SLC39A9: variants seen among roughly 807,000 people sequenced by gnomAD.
SLC39A9 encodes zinc transporter ZIP9.
SLC39A9 carries 14 observed loss-of-function variants against 28.4 expected under a neutral mutation model. The observed-to-expected ratio is 0.49, with a 90% CI of 0.33 to 0.77. SLC39A9 has a LOEUF of 0.77. Ranked by LOEUF, SLC39A9 falls within the 30% of genes least tolerant of loss-of-function variation. SLC39A9 has a pLI of 0.02. For synonymous variants in SLC39A9, 119 were observed against 149.6 expected (o/e 0.80, Z 1.49); for missense variants, 283 against 381.1 (o/e 0.74, Z 2.14).
intron 2 of SLC39A9, among the ~76,000 whole-genome samples, chr14:69,430,650 A>G (rs1378147421): frequency 7.2e-6 from 1 of 139,060 alleles, no homozygotes; most frequent in African/African-American, 2.7e-5. Flanking sequence ...TTTTCTTGAG[A>G]CAAGGTCTCA....
At chr14:69,443,499 A>G (rs1242529488) in intron 3 of SLC39A9, among the ~76,000 whole-genome samples, 1 of 152,208 alleles carries the variant, frequency 6.6e-6, no homozygotes, top group Non-Finnish European at 1.5e-5. Context: ...CTGTAAAATA[A>G]CCTGATTAGT....
Position 69,461,715 on chromosome 14 carries a change from A to G in SLC39A9, c.*3122A>G, listed in dbSNP as rs1886120116. 2 of 1,535,964 alleles carry G rather than the reference A, an allele frequency of 1.3e-6. No individual in the cohort carries two copies. Among genetic ancestry groups the G allele is most frequent in the Non-Finnish European group, 8.7e-7 (1 of 1,146,854 alleles). Reference sequence around the variant, plus strand: ...TTTCAAGGATTAGAACTAAGAGGACACACCAGCATCGGAGTGTATTAAGCC... The same window carrying G: ...TTTCAAGGATTAGAACTAAGAGGACGCACCAGCATCGGAGTGTATTAAGCC... On this transcript the variant is annotated 3_prime_UTR_variant, in exon 7 of 7. Coordinates refer to ENST00000336643, the MANE Select transcript of SLC39A9 (RefSeq NM_018375.5).
intron 1 of SLC39A9, among the ~76,000 whole-genome samples, chr14:69,400,602 AGAAAG>A (rs1566904119): frequency 1.3e-5 from 2 of 152,230 alleles, no homozygotes; most frequent in Admixed American, 6.5e-5. Context: ...GGCCTGAAGT[AGAAAG>A]GAAAGGTATA....
At chr14:69,431,769 G>GTACC (rs745695701) in intron 2 of SLC39A9, among the ~76,000 whole-genome samples, 2 of 151,974 alleles carry the variant, frequency 1.3e-5, no homozygotes, top group East Asian at 3.9e-4. Context: ...ATGTCTATGA[G>GTACC]TACCTGATGT....
chr14:69,440,983 A>G (rs1885023111), intron 2 of SLC39A9, among the ~76,000 whole-genome samples: 1 of 152,130 alleles, frequency 6.6e-6, no homozygotes. Flanking sequence ...TGTTTTTAAG[A>G]GACAGGATCT....
rs1230609222 is a variant in SLC39A9 at position 69,440,725 on chromosome 14, A to G, written c.206-1344A>G. Among the ~76,000 whole-genome samples, 4 of 152,124 alleles carry G rather than the reference A, an allele frequency of 2.6e-5. No homozygotes were observed. In the East Asian group the frequency reaches 7.7e-4, roughly 29 times the overall value. On this transcript the variant is annotated intron_variant, in intron 2 of 6. Transcript: ENST00000336643. ...AGTCTCCCTCTGTTGCCAGGCTGGA[A>G]GGCAGTGGCGTGATCTCGGCTCACT...
chr14:69,456,511 A>G (rs1566927036), intron 6 of SLC39A9, among the ~76,000 whole-genome samples: 1 of 152,190 alleles, frequency 6.6e-6, no homozygotes, highest in Non-Finnish European at 1.5e-5. Flanking sequence ...GTCCCCAGAT[A>G]GTAACTGTAC....
chr14:69,462,239 T>A lies in SLC39A9; in HGVS notation c.*3646T>A, dbSNP rs1348298294. ...TCCCCTGGTTCAATAGCTGGAACAG[T>A]GATTTTAAATGTCCCTTTTTCTGGA... On this transcript the variant is annotated 3_prime_UTR_variant, in exon 7 of 7. Transcript: ENST00000336643. The A allele has an allele frequency of 6.6e-6, 1 of 152,338 alleles. No individual in the cohort carries two copies. Among genetic ancestry groups the A allele is most frequent in the Non-Finnish European group, 1.5e-5 (1 of 68,156 alleles). 9.4% of individuals were successfully genotyped at this position (152,338 alleles called of 1,614,324 possible). A position where few individuals can be genotyped will look rare whatever the true frequency, so the allele number is the denominator to read the frequency against.
At chr14:69,455,014 C>T in intron 5 of SLC39A9, 117 bp downstream of exon 5, 1 of 725,748 alleles carries the variant, frequency 1.4e-6, no homozygotes, top group Non-Finnish European at 2.3e-6. Flanking sequence ...AATTGCTATT[C>T]ATTTTGGAAA....
intron 3 of SLC39A9, among the ~76,000 whole-genome samples, chr14:69,451,413 A>T (rs1446292925): frequency 6.6e-6 from 1 of 152,224 alleles, no homozygotes; most frequent in Non-Finnish European, 1.5e-5. Flanking sequence ...TGTTTCCTAC[A>T]AGAGCAGTAA....
intron 1 of SLC39A9, among the ~76,000 whole-genome samples, chr14:69,401,958 G>A (rs1466933588): frequency 3.3e-5 from 5 of 152,140 alleles, no homozygotes; most frequent in African/African-American, 1.2e-4. Context: ...TAGTGAGATG[G>A]TAAATTTGTA....
At position 69,460,106 on chromosome 14, in the gene SLC39A9, T is replaced by G; in HGVS notation, c.*1513T>G. On this transcript the variant is annotated 3_prime_UTR_variant, in exon 7 of 7. Transcript: ENST00000336643. ...TGTCAAATAAGTGTATAATATTGTA[T>G]TATTAATTTATTTTTACTTTCTATA... 3 of 979,192 alleles carry G rather than the reference T, an allele frequency of 3.1e-6. No homozygotes were observed. The highest frequency in any genetic ancestry group is 2.4e-6 in the Non-Finnish European group (2 of 823,890). 60.7% of individuals were successfully genotyped at this position (979,192 alleles called of 1,614,324 possible).
Position 69,441,891 on chromosome 14 carries a change from A to G in SLC39A9, c.206-178A>G, listed in dbSNP as rs71423360. 6 of 1,387,094 alleles carry G rather than the reference A, an allele frequency of 4.3e-6. No individual in the cohort carries two copies. The African/African-American group carries it at 7.3e-5, about 17-fold the overall frequency. The allele number at this position is 1,387,094 out of a possible 1,614,324, so 85.9% of individuals were successfully genotyped here. ...TGCCAAAGGCAGAAGACATTTGGGA[A>G]TTTTTTCATCATGAACTTTAAGTTG... On this transcript the variant is annotated intron_variant, in intron 2 of 6. Coordinates refer to ENST00000336643, the MANE Select transcript of SLC39A9 (RefSeq NM_018375.5).
intron 3 of SLC39A9, among the ~76,000 whole-genome samples, chr14:69,446,033 T>C (rs1485403349): frequency 1.3e-5 from 2 of 151,938 alleles, no homozygotes; most frequent in Non-Finnish European, 2.9e-5. Context: ...TTGTTGTTGT[T>C]GTTGTTGTTG....
In SLC39A9 at chr14:69,433,825, G is replaced by A. The variant is rs570615607; in HGVS notation, c.206-8244G>A. Among the ~76,000 whole-genome samples, 7 of 151,628 alleles carry A rather than the reference G, an allele frequency of 4.6e-5. No homozygotes were observed. The East Asian group carries it at 5.8e-4, about 13-fold the overall frequency. ...CTTTGAGGCAGGGTCTCACTTTGTC[G>A]CCCAGGCTGGGTACAGTGGCACAGT... On this transcript the variant is annotated intron_variant, in intron 2 of 6. Coordinates refer to ENST00000336643, the MANE Select transcript of SLC39A9 (RefSeq NM_018375.5).
At chr14:69,424,788 A>G (rs1884099358) in intron 2 of SLC39A9, among the ~76,000 whole-genome samples, 1 of 152,166 alleles carries the variant, frequency 6.6e-6, no homozygotes, top group Admixed American at 6.5e-5. Flanking sequence ...GTGACTTAGC[A>G]AAATCCGATT....
chr14:69,417,460 T>C (rs191903495), intron 1 of SLC39A9, among the ~76,000 whole-genome samples: 2 of 152,328 alleles, frequency 1.3e-5, no homozygotes, highest in Admixed American at 1.3e-4. Flanking sequence ...ATGCGACCTG[T>C]TTTTTGGTTC....
At chr14:69,440,710 T>C (rs1311149711) in intron 2 of SLC39A9, among the ~76,000 whole-genome samples, 1 of 152,188 alleles carries the variant, frequency 6.6e-6, no homozygotes, top group African/African-American at 2.4e-5. Flanking sequence ...AGTCTCCCTC[T>C]GTTGCCAGGC....
chr14:69,417,381 T>C (rs946930991), intron 1 of SLC39A9, among the ~76,000 whole-genome samples: 1 of 152,250 alleles, frequency 6.6e-6, no homozygotes, highest in Admixed American at 6.5e-5. Flanking sequence ...TGTAGCCTTG[T>C]AATATAGTTG....
Sources: gnomAD v4.1 joint callset for allele counts (sites outside exome capture counted in the v4.1 genomes callset) on GRCh38, gnomAD v4.1.1 for gene constraint, MANE v1.5 for transcripts, NCBI Gene and HGNC (gene_info 2026-07-23, HGNC 2026-07-21) for gene names.